Variants in C8A observed in about 807,000 individuals in gnomAD.
C8A encodes complement C8 alpha chain, also known as complement component C8 alpha chain.
Under a neutral mutation model 65.3 loss-of-function variants are expected in C8A, and 67 were observed. That is an observed-to-expected ratio of 1.03 (90% CI 0.84 to 1.26). The LOEUF (loss-of-function observed/expected upper bound fraction) is 1.26. Among genes scored for constraint, C8A ranks in the 50% most tolerant of loss-of-function variants. C8A has a pLI of 0.00. For missense variants in C8A, 781 were observed against 723.9 expected (o/e 1.08, Z -0.90); for synonymous variants, 290 against 259.4 (o/e 1.12, Z -1.13).
chr1:56,914,449 G>A (rs1644535742), intron 10 of C8A, among the ~76,000 whole-genome samples: 1 of 152,132 alleles, frequency 6.6e-6, no homozygotes, highest in Non-Finnish European at 1.5e-5. Flanking sequence ...GCAGTTGGTA[G>A]TTTGAAGCTT....
chr1:56,907,866 C>T (rs1037384255), intron 8 of C8A, 90 bp from the exon 9 acceptor site: 94 of 1,466,220 alleles, frequency 6.4e-5, no homozygotes, highest in South Asian at 2.2e-4. Flanking sequence ...AACATGTAAA[C>T]TTTCTTCCAA....
At chr1:56,876,569 T>A (rs112684155) in intron 4 of C8A, among the ~76,000 whole-genome samples, 5 of 152,002 alleles carry the variant, frequency 3.3e-5, no homozygotes, top group Non-Finnish European at 7.4e-5. Flanking sequence ...GCCTTTCCAA[T>A]AGCCCTGTTC....
chr1:56,876,083 T>G lies in C8A; in HGVS notation c.338T>G (p.Leu113Arg). 6.2e-7 allele frequency: 1 copy of G among 1,613,726 alleles called. No individual in the cohort carries two copies. Among genetic ancestry groups the G allele is most frequent in the East Asian group, 2.2e-5 (1 of 44,782 alleles). Residue 113 changes from leucine to arginine, a missense_variant, in exon 4 of 11, where the codon CTT becomes CGT. Transcript: ENST00000361249. Reference sequence around the variant, plus strand: ...CCAGGTCGCTGCCTGAAACGCCACCTTGTGTGTAATGGAGACCAGGACTGC... The same window carrying G: ...CCAGGTCGCTGCCTGAAACGCCACCGTGTGTGTAATGGAGACCAGGACTGC... The part of the protein sequence containing the change: ...KETGRCLKRH[L>R]VCNGDQDCLD...
chr1:56,867,795 G>T, intron 2 of C8A, 93 bp downstream of exon 2: 1 of 918,924 alleles, frequency 1.1e-6, no homozygotes, highest in Admixed American at 1.8e-5. Context: ...ATGTCTAGGG[G>T]CCTGGGGAGA....
chr1:56,863,789 A>G (rs1024207332), intron 1 of C8A, among the ~76,000 whole-genome samples: 1 of 152,108 alleles, frequency 6.6e-6, no homozygotes, highest in Non-Finnish European at 1.5e-5. Flanking sequence ...CAACAATGTC[A>G]CTGCCTATAT....
intron 4 of C8A, among the ~76,000 whole-genome samples, chr1:56,880,931 G>C (rs543985193): frequency 1.3e-5 from 2 of 152,296 alleles, no homozygotes; most frequent in Non-Finnish European, 2.9e-5. Context: ...AATGGGCCCA[G>C]ACTGTCTGGC....
Position 56,885,273 on chromosome 1 carries a change from A to AATATATATTTACATAAATATATATTT in C8A, c.856-631_856-606dup, listed in dbSNP as rs1328349539. On this transcript the variant is annotated intron_variant, in intron 6 of 10. Coordinates refer to ENST00000361249, the MANE Select transcript of C8A (RefSeq NM_000562.3). ...ATGTTCATATACGTGTTTATATATAAATATATATTTACATAAATATATATT... is the reference window on the plus strand; with the variant it reads ...ATGTTCATATACGTGTTTATATATAAATATATATTTACATAAATATATATTTATATATATTTACATAAATATATATT... Among the ~76,000 whole-genome samples the AATATATATTTACATAAATATATATTT allele has an allele frequency of 3.6e-4, 47 of 131,586 alleles. 4 individuals are homozygous for AATATATATTTACATAAATATATATTT. The highest frequency in any genetic ancestry group is 5.8e-4 in the Non-Finnish European group (38 of 65,354). The allele number at this position is 131,586 out of a possible 152,430, so 86.3% of individuals were successfully genotyped here.
intron 6 of C8A, among the ~76,000 whole-genome samples, chr1:56,885,478 AAAT>A (rs1161949419): frequency 1.4e-4 from 16 of 110,684 alleles, no homozygotes; most frequent in African/African-American, 4.5e-4. Flanking sequence ...ATATTTATTT[AAAT>A]ATATATTTAC....
At chr1:56,881,782 C>G in intron 5 of C8A, 148 bp downstream of exon 5, 1 of 760,800 alleles carries the variant, frequency 1.3e-6, no homozygotes, top group Non-Finnish European at 2.3e-6. Context: ...CATCCCCACA[C>G]ATGCTTAGTG....
At position 56,876,207 on chromosome 1, in the gene C8A, G is replaced by A. The variant is rs779861616; in HGVS notation, c.462G>A (p.Leu154=). ...TTCCAGGATCACAGAAGGCAGCCTTGGGGTGAGGCCCTGCCTACTAGCTAT... is the reference window on the plus strand; with the variant it reads ...TTCCAGGATCACAGAAGGCAGCCTTAGGGTGAGGCCCTGCCTACTAGCTAT... The part of the protein sequence containing the change: ...EPIPGSQKAA[L]GYNILTQEDA... The change falls in exon 4 of 11, where the codon TTG becomes TTA. Residue 154 remains leucine, a splice_region_variant and synonymous_variant. Coordinates refer to ENST00000361249, the MANE Select transcript of C8A (RefSeq NM_000562.3). 1.1e-5 allele frequency: 18 copies of A among 1,613,682 alleles called. No individual in the cohort carries two copies. The African/African-American group carries it at 2.4e-4, about 22-fold the overall frequency.
chr1:56,917,529 G>A (rs1570358671), intron 10 of C8A, 36 bp from the exon 11 acceptor site: 3 of 1,613,264 alleles, frequency 1.9e-6, no homozygotes, highest in Non-Finnish European at 2.5e-6. Context: ...TTAGCCATAT[G>A]CTAACCTTCT....
At chr1:56,860,468 A>T (rs1370169087) in intron 1 of C8A, among the ~76,000 whole-genome samples, 2 of 152,200 alleles carry the variant, frequency 1.3e-5, no homozygotes, top group Non-Finnish European at 2.9e-5. Flanking sequence ...TATCACTGAG[A>T]GTCTTATAAA....
intron 7 of C8A, among the ~76,000 whole-genome samples, chr1:56,896,797 G>A (rs1007074301): frequency 6.6e-5 from 10 of 152,192 alleles, no homozygotes; most frequent in Admixed American, 6.5e-5. Context: ...ATGTAATCAA[G>A]TGCTTCCAAG....
At chr1:56,885,771 C>T (rs1285840491) in intron 6 of C8A, among the ~76,000 whole-genome samples, 156 bp from the exon 7 acceptor site, 2 of 151,916 alleles carry the variant, frequency 1.3e-5, no homozygotes, top group African/African-American at 2.4e-5. Context: ...AGGATGGTCT[C>T]GATCTCCTGA....
chr1:56,884,150 T>C (rs1644271302), intron 6 of C8A, among the ~76,000 whole-genome samples: 1 of 152,062 alleles, frequency 6.6e-6, no homozygotes, highest in Non-Finnish European at 1.5e-5. Context: ...AATATATGCT[T>C]CCTTGAGGAA....
In C8A at chr1:56,883,593, C is replaced by T. The variant is rs1448396469; in HGVS notation, c.767C>T (p.Pro256Leu). 2 of 1,613,920 alleles carry T rather than the reference C, an allele frequency of 1.2e-6. No individual in the cohort carries two copies. Among genetic ancestry groups the T allele is most frequent in the East Asian group, 4.5e-5 (2 of 44,862 alleles). The change falls in exon 6 of 11, where the codon CCA (proline) becomes CTA (leucine). Residue 256 changes from proline (P) to leucine (L), a missense_variant. Pro to Leu is a moderately conservative substitution (Grantham distance 98). Coordinates refer to ENST00000361249, the MANE Select transcript of C8A (RefSeq NM_000562.3). Reference protein sequence around the residue: ...DSFGVTIGIGPAGSPLLVGVG... With the variant: ...DSFGVTIGIGLAGSPLLVGVG... ...TTTGGAGTGACCATCGGCATAGGCC[C>T]AGCCGGCAGCCCTTTATTGGTGGGT...
At position 56,886,063 on chromosome 1, in the gene C8A, C is replaced by T. The variant is rs778909267; in HGVS notation, c.992C>T (p.Ala331Val). Residue 331 changes from alanine (A) to valine (V), a missense_variant, in exon 7 of 11, where the codon GCC becomes GTC. By Grantham distance (64) the Ala-to-Val change is moderately conservative. Transcript: ENST00000361249. ...GATCAGTACAATTATGGCATGTATG[C>T]CAAGTTCATCAATGACTATGGCACC... Reference protein sequence around the residue: ...LPDQYNYGMYAKFINDYGTHY... With the variant: ...LPDQYNYGMYVKFINDYGTHY... The T allele has an allele frequency of 8.1e-6, 13 of 1,613,994 alleles. No individual in the cohort carries two copies. In the South Asian group the frequency reaches 1.4e-4, roughly 18 times the overall value.
chr1:56,881,428 T>C lies in C8A; in HGVS notation c.465-17T>C, dbSNP rs755768385. On this transcript the variant is annotated splice_polypyrimidine_tract_variant and intron_variant, in intron 4 of 10. Transcript: ENST00000361249. ...CAGCATCCACTAGCTATTTAGAAGC[T>C]GCTTTGTTCCATGTAGGTACAATAT... 12 of 1,613,298 alleles carry C rather than the reference T, an allele frequency of 7.4e-6. No homozygotes were observed. Among genetic ancestry groups the C allele is most frequent in the Non-Finnish European group, 1.0e-5 (12 of 1,179,364 alleles).
rs779907800 is a variant in C8A at position 56,917,759 on chromosome 1, C to A, written c.*43C>A. 15 of 1,609,234 alleles carry A rather than the reference C, an allele frequency of 9.3e-6. No individual in the cohort carries two copies. Among genetic ancestry groups the A allele is most frequent in the South Asian group, 2.2e-5 (2 of 90,856 alleles). ...CTGGACCAGATGCTGTGGATGTCGA[C>A]CCCTGCACTGACTATTGGATAAAGA... On this transcript the variant is annotated 3_prime_UTR_variant, in exon 11 of 11. Transcript: ENST00000361249.
Sources: allele counts gnomAD v4.1 joint callset (sites outside exome capture counted in the v4.1 genomes callset), GRCh38; gene constraint gnomAD v4.1.1; transcripts MANE v1.5; gene names NCBI Gene and HGNC (gene_info 2026-07-23, HGNC 2026-07-21).